The following NCAM2 variants were observed in gnomAD, a reference collection of about 807,000 sequenced individuals.
NCAM2 encodes the protein N-CAM-2.
NCAM2 carries 30 observed loss-of-function variants against 98.1 expected under a neutral mutation model. The observed-to-expected ratio is 0.31, with a 90% CI of 0.23 to 0.41. NCAM2 has a LOEUF of 0.41. Ranked by LOEUF, NCAM2 falls within the 10% of genes least tolerant of loss-of-function variation. The pLI is 1.00. For missense variants in NCAM2, 867 were observed against 1,005.8 expected (o/e 0.86, Z 1.87); for synonymous variants, 368 against 342.4 (o/e 1.07, Z -0.83).
chr21:21,404,252 T>C (rs1237023353), intron 9 of NCAM2, among the ~76,000 whole-genome samples: 1 of 152,172 alleles, frequency 6.6e-6, no homozygotes, highest in East Asian at 1.9e-4. Flanking sequence ...CATATGTCAA[T>C]ATATTGTATG....
intron 15 of NCAM2, among the ~76,000 whole-genome samples, chr21:21,506,999 G>T (rs762928808): frequency 3.2e-4 from 48 of 151,906 alleles, no homozygotes; most frequent in Admixed American, 1.2e-3. Context: ...CCACAAAGTT[G>T]CTGGGATGAA....
At chr21:21,375,353 A>C (rs2076009542) in intron 9 of NCAM2, among the ~76,000 whole-genome samples, 1 of 151,722 alleles carries the variant, frequency 6.6e-6, no homozygotes, top group Non-Finnish European at 1.5e-5. Flanking sequence ...AAAAGAAAAA[A>C]GGATTATGAA....
At chr21:21,479,608 A>AAAAAAAAAAAAAAAAAAAAAAAATT (rs1491473437) in intron 15 of NCAM2, among the ~76,000 whole-genome samples, 1 of 127,916 alleles carries the variant, frequency 7.8e-6, no homozygotes, top group African/African-American at 2.8e-5. Context: ...AAAAAAAAAA[A>AAAAAAAAAAAAAAAAAAAAAAAATT]TTGTTGATGA....
At chr21:21,452,945 T>A (rs1253516610) in intron 12 of NCAM2, among the ~76,000 whole-genome samples, 419 of 89,532 alleles carry the variant, frequency 4.7e-3, no homozygotes, top group Admixed American at 7.8e-3. Flanking sequence ...ATAATATAAT[T>A]TATACTATAT....
chr21:21,163,753 G>T (rs997931561), intron 1 of NCAM2, among the ~76,000 whole-genome samples: 23 of 152,142 alleles, frequency 1.5e-4, no homozygotes, highest in African/African-American at 5.6e-4. Context: ...TGTTAAAAGA[G>T]AAATCACCAT....
chr21:21,509,521 G>A (rs1312860025), intron 16 of NCAM2, among the ~76,000 whole-genome samples: 1 of 152,046 alleles, frequency 6.6e-6, no homozygotes, highest in Admixed American at 6.5e-5. Flanking sequence ...ATGATTTTTT[G>A]TATAGAAAAT....
chr21:21,532,797 A>G (rs1425282334), intron 16 of NCAM2, among the ~76,000 whole-genome samples: 2 of 152,132 alleles, frequency 1.3e-5, no homozygotes, highest in Non-Finnish European at 2.9e-5. Context: ...AACAGACCAA[A>G]CAACATTAAG....
At chr21:21,166,650 A>C (rs528810752) in intron 1 of NCAM2, among the ~76,000 whole-genome samples, 1 of 152,204 alleles carries the variant, frequency 6.6e-6, no homozygotes, top group Non-Finnish European at 1.5e-5. Context: ...CTCAGTCATT[A>C]AAAGTTACTT....
At chr21:21,049,561 G>T (rs533889177) in intron 1 of NCAM2, among the ~76,000 whole-genome samples, 1 of 151,746 alleles carries the variant, frequency 6.6e-6, no homozygotes, top group Non-Finnish European at 1.5e-5. Context: ...GAATTTAGAA[G>T]TCTTCCATTT....
intron 1 of NCAM2, among the ~76,000 whole-genome samples, chr21:21,279,452 A>G (rs1005500127): frequency 6.6e-6 from 1 of 152,020 alleles, no homozygotes; most frequent in Non-Finnish European, 1.5e-5. Flanking sequence ...TCCGCCTTCC[A>G]GTTTCAAGCA....
chr21:21,187,208 A>G (rs2068668994), intron 1 of NCAM2, among the ~76,000 whole-genome samples: 1 of 152,184 alleles, frequency 6.6e-6, no homozygotes, highest in South Asian at 2.1e-4. Context: ...TGGGCGACAG[A>G]GCGAAACTCC....
intron 1 of NCAM2, among the ~76,000 whole-genome samples, chr21:21,089,206 A>T (rs1026957084): frequency 6.6e-6 from 1 of 152,182 alleles, no homozygotes. Flanking sequence ...AAATATGATT[A>T]AAAAATTACC....
chr21:21,099,370 A>G (rs192938960), intron 1 of NCAM2, among the ~76,000 whole-genome samples: 138 of 151,976 alleles, frequency 9.1e-4, no homozygotes, highest in Middle Eastern at 3.4e-3. Context: ...ACTGCCTGAG[A>G]CTAGGTAATT....
intron 1 of NCAM2, among the ~76,000 whole-genome samples, chr21:21,017,424 CAAAAAAAAAA>C (rs11461275): frequency 6.8e-5 from 4 of 58,780 alleles, no homozygotes; most frequent in Non-Finnish European, 1.1e-4. Context: ...GACTCTGTCT[CAAAAAAAAAA>C]AAAAAAAAAA....
rs1474432739 is a variant in NCAM2, at chr21:21,120,719, G to T, written c.55+122101G>T. ...TTGATGTTTATTTATTTTTTTGTGG[G>T]TTTTTTTTTTTTTTCTTTGAGATGG... On this transcript the variant is annotated intron_variant, in intron 1 of 17. Transcript: ENST00000400546. Among the ~76,000 whole-genome samples the T allele has an allele frequency of 3.6e-3, 515 of 142,264 alleles. 2 individuals carry two copies. Among genetic ancestry groups the T allele is most frequent in the African/African-American group, 0.011 (432 of 38,890 alleles). 93.3% of individuals were successfully genotyped at this position (142,264 alleles called of 152,430 possible). A position where few individuals can be genotyped will look rare whatever the true frequency, so the allele number is the denominator to read the frequency against.
intron 1 of NCAM2, among the ~76,000 whole-genome samples, chr21:21,065,066 G>A (rs2065405424): frequency 6.6e-6 from 1 of 152,010 alleles, no homozygotes; most frequent in Non-Finnish European, 1.5e-5. Flanking sequence ...TATAATACCA[G>A]CTATTCAGGA....
intron 16 of NCAM2, among the ~76,000 whole-genome samples, chr21:21,514,063 T>A (rs998331630): frequency 6.6e-6 from 1 of 151,876 alleles, no homozygotes; most frequent in African/African-American, 2.4e-5. Flanking sequence ...GCTCTACATA[T>A]ATAACCTGGG....
rs1442198355 is a variant in NCAM2, at chr21:20,998,638, T to G, written c.55+20T>G. ...GGCAAGGTAGGAGTGTGGCGCTTTATTGCATTTACTTTCCCTCCCCCTTCC... is the reference window on the plus strand; with the variant it reads ...GGCAAGGTAGGAGTGTGGCGCTTTAGTGCATTTACTTTCCCTCCCCCTTCC... On this transcript the variant is annotated intron_variant, in intron 1 of 17. Coordinates refer to ENST00000400546, the MANE Select transcript of NCAM2 (RefSeq NM_004540.5). The G allele has an allele frequency of 6.2e-7, 1 of 1,612,132 alleles. No individual in the cohort carries two copies. Among genetic ancestry groups the G allele is most frequent in the African/African-American group, 1.3e-5 (1 of 74,974 alleles).
At chr21:21,059,340 G>A (rs2065275897) in intron 1 of NCAM2, among the ~76,000 whole-genome samples, 1 of 152,058 alleles carries the variant, frequency 6.6e-6, no homozygotes, top group Non-Finnish European at 1.5e-5. Flanking sequence ...TTGAGAGAGG[G>A]TATTGGAAGA....
Sources: allele counts gnomAD v4.1 joint callset (sites outside exome capture counted in the v4.1 genomes callset), GRCh38; gene constraint gnomAD v4.1.1; transcripts MANE v1.5; gene names NCBI Gene and HGNC (gene_info 2026-07-23, HGNC 2026-07-21).